Variants in HMCN2 observed in about 807,000 individuals in gnomAD.
The protein encoded by HMCN2 is hemicentin 2.
Under a neutral mutation model 377.5 loss-of-function variants are expected in HMCN2, and 325 were observed. That is an observed-to-expected ratio of 0.86 (90% CI 0.79 to 0.94). The LOEUF is 0.94. HMCN2 is among the 40% of genes least tolerant of loss of function. The probability of loss-of-function intolerance (pLI) is 0.00; values close to 1 mark genes in which losing one functional copy is unlikely to be tolerated. For synonymous variants in HMCN2, 2,007 were observed against 2,046.8 expected (o/e 0.98, Z 0.53); for missense variants, 4,543 against 4,725.3 (o/e 0.96, Z 1.13).
chr9:130,278,126 T>G (rs1834895890), intron 1 of HMCN2, among the ~76,000 whole-genome samples: 1 of 151,776 alleles, frequency 6.6e-6, no homozygotes, highest in African/African-American at 2.4e-5. Flanking sequence ...GTTTGGTTGG[T>G]TGGTTGGTTT....
Position 130,403,216 on chromosome 9 carries a change from G to T in HMCN2, c.11901G>T (p.Leu3967=), listed in dbSNP as rs371400152. 29 of 1,289,540 alleles carry T rather than the reference G, an allele frequency of 2.2e-5. No individual in the cohort carries two copies. The East Asian group carries it at 1.4e-3, about 62-fold the overall frequency. 79.9% of individuals were successfully genotyped at this position (1,289,540 alleles called of 1,614,324 possible). The part of the protein sequence containing the change: ...TVQASPVVKP[L]PSVVRAVAEE... ...TAGCCTCCCCGGTGGTGAAGCCGCT[G>T]CCCAGCGTGGTTCGGGCAGTGGCAG... Residue 3967 remains leucine, a synonymous_variant, in exon 79 of 98, where the codon CTG becomes CTT. Transcript: ENST00000683500.
At chr9:130,282,097 G>T (rs565710969) in intron 1 of HMCN2, among the ~76,000 whole-genome samples, 1 of 152,316 alleles carries the variant, frequency 6.6e-6, no homozygotes, top group African/African-American at 2.4e-5. Context: ...TGAAATGATT[G>T]CTCTTCTTAG....
chr9:130,387,855 T>A (rs1842102751), intron 61 of HMCN2, among the ~76,000 whole-genome samples: 1 of 152,162 alleles, frequency 6.6e-6, no homozygotes, highest in African/African-American at 2.4e-5. Flanking sequence ...GCAGGGATGA[T>A]CACTTGAGCC....
intron 40 of HMCN2, among the ~76,000 whole-genome samples, chr9:130,364,257 C>T (rs1311692936): frequency 1.3e-5 from 2 of 152,182 alleles, no homozygotes; most frequent in Non-Finnish European, 1.5e-5. Flanking sequence ...CCTCGCATGG[C>T]GAGTGAGTGG....
chr9:130,360,316 A>T lies in HMCN2; in HGVS notation c.5774-112A>T, dbSNP rs117027819. On this transcript the variant is annotated intron_variant, in intron 37 of 97. Transcript: ENST00000683500. The surrounding 1 kb of genome is among the most constrained non-coding windows in gnomAD (Gnocchi z 4.7). ...GCTTCTCTCTTCCATTCCCCCTTGC[A>T]TCTCTCTTCCTTTCCCCCTTGCATC... 2.3e-3 allele frequency: 966 copies of T among 420,450 alleles called. 5 individuals are homozygous for T. The highest frequency in any genetic ancestry group is 2.8e-3 in the Middle Eastern group (3 of 1,054). The allele number at this position is 420,450 out of a possible 1,614,324, so 26.0% of individuals were successfully genotyped here.
chr9:130,356,089 T>C lies in HMCN2; in HGVS notation c.5257T>C (p.Trp1753Arg), dbSNP rs754143919. 6.9e-5 allele frequency: 89 copies of C among 1,283,996 alleles called. No individual in the cohort carries two copies. The highest frequency in any genetic ancestry group is 8.7e-5 in the Non-Finnish European group (85 of 982,184). 79.5% of individuals were successfully genotyped at this position (1,283,996 alleles called of 1,614,324 possible). A position where few individuals can be genotyped will look rare whatever the true frequency, so the allele number is the denominator to read the frequency against. The change falls in exon 34 of 98, where the codon TGG (tryptophan) becomes CGG (arginine). Residue 1753 changes from tryptophan to arginine, a missense_variant and splice_region_variant. Trp to Arg is a moderately radical substitution (Grantham distance 101). Transcript: ENST00000683500. ...CGCCCCCCTCCCTACTCACCTTAGG[T>C]GGCTGCAGAATGGCCGCCCAGCCGA... The part of the protein sequence containing the change: ...ASGSPVPTIQ[W>R]LQNGRPAEEL...
intron 34 of HMCN2, 56 bp downstream of exon 34, chr9:130,356,313 G>A (rs987106296): frequency 3.2e-6 from 4 of 1,250,444 alleles, no homozygotes; most frequent in Non-Finnish European, 4.1e-6. Context: ...CCAGGGGTGG[G>A]TGGAGCCTGG....
chr9:130,390,000 G>A (rs1842222061), intron 62 of HMCN2, among the ~76,000 whole-genome samples: 1 of 152,244 alleles, frequency 6.6e-6, no homozygotes, highest in Non-Finnish European at 1.5e-5. Context: ...TGGGGTGGCT[G>A]CATCTTTTGG....
Position 130,403,398 on chromosome 9 carries a change from G to A in HMCN2, c.12013+70G>A. 5.5e-6 allele frequency: 7 copies of A among 1,271,660 alleles called. No individual in the cohort carries two copies. In the South Asian group the frequency reaches 8.9e-5, roughly 16 times the overall value. The allele number at this position is 1,271,660 out of a possible 1,614,324, so 78.8% of individuals were successfully genotyped here. On this transcript the variant is annotated intron_variant, in intron 79 of 97. Coordinates refer to ENST00000683500, the MANE Select transcript of HMCN2 (RefSeq NM_001291815.2). ...TGGGTCTGGGCAGGGGGGGAGTCCT[G>A]CTTCCTGCCCTGGGAGACCCCGCAG...
rs1313215168 is a variant in HMCN2 at position 130,284,606 on chromosome 9, T to C, written c.263T>C (p.Ile88Thr). 6.4e-6 allele frequency: 3 copies of C among 471,106 alleles called. No homozygotes were observed. The highest frequency in any genetic ancestry group is 4.6e-5 in the South Asian group (3 of 64,576). The allele number at this position is 471,106 out of a possible 1,614,324, so 29.2% of individuals were successfully genotyped here. A position where few individuals can be genotyped will look rare whatever the true frequency, so the allele number is the denominator to read the frequency against. Reference protein sequence around the residue: ...YALVPFHDPDIGPVTLTADPT... With the variant: ...YALVPFHDPDTGPVTLTADPT... The stretch of plus-strand genomic sequence containing the variant: ...CGTCCCTCTCTCTTCTCCACAGATA[T>C]TGGCCCAGTGACCCTCACGGCGGAC... The change falls in exon 2 of 98, where the codon ATT becomes ACT. Residue 88 changes from isoleucine to threonine, a missense_variant. By Grantham distance (89) the Ile-to-Thr change is moderately conservative (BLOSUM62 -1). Around this residue, in one of 5 missense-constraint regions of HMCN2, gnomAD observed 547 missense variants for 189.9 expected, o/e 2.88. Coordinates refer to ENST00000683500, the MANE Select transcript of HMCN2 (RefSeq NM_001291815.2).
In HMCN2 at chr9:130,337,899, GCCTCCTC is replaced by G. The variant is rs1322388254; in HGVS notation, c.3368_3374del (p.Leu1123ArgfsTer50). ...AGTGCTCCTCATTCCCGCAGGTATG[GCCTCCTC>G]CCGTCTGGCTCCCTGCGTCTGGCCC... On this transcript the variant is annotated frameshift_variant, in exon 23 of 98. Transcript: ENST00000683500. LOFTEE classifies it high-confidence loss of function. 1 of 152,430 alleles carries G rather than the reference GCCTCCTC, an allele frequency of 6.6e-6. No homozygotes were observed. The highest frequency in any genetic ancestry group is 1.5e-5 in the Non-Finnish European group (1 of 68,326). 9.4% of individuals were successfully genotyped at this position (152,430 alleles called of 1,614,324 possible). A position where few individuals can be genotyped will look rare whatever the true frequency, so the allele number is the denominator to read the frequency against.
In HMCN2 at chr9:130,433,380, G is replaced by C; in HGVS notation, c.14927G>C (p.Gly4976Ala). Reference protein sequence around the residue: ...TCFRRCSQDCGTGGPSTLQYR... With the variant: ...TCFRRCSQDCATGGPSTLQYR... ...TTCCGGCGCTGCTCGCAGGACTGCG[G>C]CACGGGCGGCCCCTCTACGCTGCAG... The change falls in exon 98 of 98, where the codon GGC becomes GCC. Residue 4976 changes from glycine (G) to alanine (A), a missense_variant. By Grantham distance (60) the Gly-to-Ala change is moderately conservative. Coordinates refer to ENST00000683500, the MANE Select transcript of HMCN2 (RefSeq NM_001291815.2). The C allele has an allele frequency of 2.0e-6, 3 of 1,478,302 alleles. No homozygotes were observed. The South Asian group carries it at 3.9e-5, about 19-fold the overall frequency. 91.6% of individuals were successfully genotyped at this position (1,478,302 alleles called of 1,614,324 possible).
chr9:130,296,711 G>A lies in HMCN2; in HGVS notation c.929G>A (p.Gly310Asp), dbSNP rs782150636. Residue 310 changes from glycine (G) to aspartate (D), a missense_variant, in exon 7 of 98, where the codon GGC (glycine) becomes GAC (aspartate). Gly to Asp is a moderately conservative substitution (Grantham distance 94, BLOSUM62 -1). This residue lies in a region of HMCN2 where 547 missense variants were observed against 189.9 expected (regional missense o/e 2.88). Transcript: ENST00000683500. The stretch of plus-strand genomic sequence containing the variant: ...GGCCGCCATTCAGTGAGGATCACAG[G>A]CGTCAGCAACATTGACTTCCGAGCC... ...SSGRHSVRIT[G>D]VSNIDFRAGF... 1 of 471,140 alleles carries A rather than the reference G, an allele frequency of 2.1e-6. No homozygotes were observed. Among genetic ancestry groups the A allele is most frequent in the South Asian group, 1.5e-5 (1 of 64,558 alleles). The allele number at this position is 471,140 out of a possible 1,614,324, so 29.2% of individuals were successfully genotyped here.
chr9:130,385,860 T>TCACA, intron 60 of HMCN2, 98 bp downstream of exon 60: 1 of 811,312 alleles, frequency 1.2e-6, no homozygotes, highest in Non-Finnish European at 1.8e-6. Context: ...AGGATGTGAG[T>TCACA]TGCTGCCTCC....
intron 93 of HMCN2, 196 bp from the exon 94 acceptor site, chr9:130,429,359 CTG>C: frequency 1.6e-6 from 1 of 640,272 alleles, no homozygotes; most frequent in East Asian, 2.8e-5. Flanking sequence ...CTTCCTTTCT[CTG>C]GGACCTGGAA....
intron 89 of HMCN2, 31 bp from the exon 90 acceptor site, chr9:130,425,656 T>TCCC: frequency 3.0e-5 from 10 of 330,026 alleles, no homozygotes; most frequent in South Asian, 5.2e-5. Context: ...CCCCCACCCC[T>TCCC]CCTCCTCCTC....
chr9:130,277,709 T>TCATCATCACCACCACCACCAC (rs1564739158), intron 1 of HMCN2, among the ~76,000 whole-genome samples: 8 of 146,008 alleles, frequency 5.5e-5, no homozygotes, highest in Non-Finnish European at 1.2e-4. Flanking sequence ...ACCACCACCA[T>TCATCATCACCACCACCACCAC]CATCATCACC....
chr9:130,309,514 CAA>C (rs143190808), intron 14 of HMCN2, among the ~76,000 whole-genome samples: 23,360 of 71,016 alleles, frequency 0.33, 1,444 homozygotes, highest in East Asian at 0.47. Flanking sequence ...GACTCTGTCT[CAA>C]AAAAAAAAAA....
chr9:130,297,932 CT>C (rs1836258195), intron 7 of HMCN2, among the ~76,000 whole-genome samples: 1 of 152,138 alleles, frequency 6.6e-6, no homozygotes, highest in South Asian at 2.1e-4. Flanking sequence ...TGTTGGGTTT[CT>C]GCTCTTGATA....
Sources: allele counts gnomAD v4.1 joint callset (sites outside exome capture counted in the v4.1 genomes callset), GRCh38; gene constraint gnomAD v4.1.1; regional missense constraint gnomAD v4.1.1; non-coding constraint Gnocchi (gnomAD v3.1); transcripts MANE v1.5; gene names NCBI Gene and HGNC (gene_info 2026-07-23, HGNC 2026-07-21).